HMGCLL1: variants seen among roughly 807,000 people sequenced by gnomAD.
The protein encoded by HMGCLL1 is 3-hydroxymethyl-3-methylglutaryl-CoA lyase, cytoplasmic.
A neutral mutation model predicts 39.1 loss-of-function variants in HMGCLL1; 36 were observed. The observed-to-expected ratio is 0.92, with a 90% CI of 0.71 to 1.22. HMGCLL1 has a LOEUF of 1.22. Ranked by LOEUF, HMGCLL1 falls within the 50% of genes most tolerant of loss-of-function variation. The probability of loss-of-function intolerance (pLI) is 0.00; values close to 1 mark genes in which losing one functional copy is unlikely to be tolerated. For missense variants in HMGCLL1, 451 were observed against 416.5 expected (o/e 1.08, Z -0.72); for synonymous variants, 149 against 144.0 (o/e 1.03, Z -0.25).
Position 55,533,991 on chromosome 6 carries a change from G to A in HMGCLL1, c.297+7738C>T, listed in dbSNP as rs77572932. Among the ~76,000 whole-genome samples, 1,034 of 152,060 alleles carry A rather than the reference G, an allele frequency of 6.8e-3. 13 individuals are homozygous for A. The highest frequency in any genetic ancestry group is 0.024 in the African/African-American group (984 of 41,484). On this transcript the variant is annotated intron_variant, in intron 3 of 8. Coordinates refer to ENST00000274901, the MANE Select transcript of HMGCLL1 (RefSeq NM_001042406.2). ...ATAAAAAACAGCTTCAGAAATACAG[G>A]GACATAATTTCATTCTACAGTAAAG...
At chr6:55,527,754 G>T (rs1036282385) in intron 3 of HMGCLL1, among the ~76,000 whole-genome samples, 2 of 151,860 alleles carry the variant, frequency 1.3e-5, no homozygotes, top group Non-Finnish European at 2.9e-5. Context: ...AAAGAAAAAA[G>T]TTTCACTGAT....
At chr6:55,602,068 A>G in the HMGCLL1 span, among the ~76,000 whole-genome samples, 1 of 152,062 alleles carries the variant, frequency 6.6e-6, no homozygotes, top group South Asian at 2.1e-4. Context: ...TATCTCTCAG[A>G]TTTTTTCTTT....
At chr6:55,543,462 ATATATATCATATATAATATATATATG>A (rs1769733244) in intron 1 of HMGCLL1, among the ~76,000 whole-genome samples, 1 of 7,882 alleles carries the variant, frequency 1.3e-4, no homozygotes, top group East Asian at 5.0e-3. Context: ...GATATATATC[ATATATATCATATATAATATATATATG>A]ATATATATCA....
intron 5 of HMGCLL1, among the ~76,000 whole-genome samples, chr6:55,504,581 A>G (rs1581868248): frequency 6.6e-6 from 1 of 151,712 alleles, no homozygotes; most frequent in East Asian, 1.9e-4. Flanking sequence ...CTCCCTATAT[A>G]CTTTAAATCA....
At chr6:55,629,323 T>C in the HMGCLL1 span, among the ~76,000 whole-genome samples, 1 of 152,160 alleles carries the variant, frequency 6.6e-6, no homozygotes, top group African/African-American at 2.4e-5. Flanking sequence ...ATTTGTGAAC[T>C]TTGAACTTGA....
intron 3 of HMGCLL1, among the ~76,000 whole-genome samples, chr6:55,517,507 A>G (rs541990716): frequency 6.6e-6 from 1 of 152,068 alleles, no homozygotes; most frequent in African/African-American, 2.4e-5. Flanking sequence ...CCAAACCAAA[A>G]CTGGAATCCT....
At chr6:55,640,005 G>A in the HMGCLL1 span, among the ~76,000 whole-genome samples, 1 of 152,102 alleles carries the variant, frequency 6.6e-6, no homozygotes, top group Non-Finnish European at 1.5e-5. Flanking sequence ...TTGAACTCGG[G>A]AGGCGGAGGT....
At chr6:55,650,817 C>T in the HMGCLL1 span, among the ~76,000 whole-genome samples, 1 of 152,038 alleles carries the variant, frequency 6.6e-6, no homozygotes, top group Admixed American at 6.6e-5. Context: ...CTATGGCTTC[C>T]ACCACAATCT....
intron 6 of HMGCLL1, among the ~76,000 whole-genome samples, chr6:55,497,005 A>G (rs1399644729): frequency 1.3e-5 from 2 of 152,136 alleles, no homozygotes; most frequent in East Asian, 3.9e-4. Context: ...CAAATGGTAG[A>G]GTCATTTAAT....
intron 7 of HMGCLL1, among the ~76,000 whole-genome samples, chr6:55,464,077 A>C (rs2127398418): frequency 6.6e-6 from 1 of 152,306 alleles, no homozygotes; most frequent in Admixed American, 6.5e-5. Flanking sequence ...TCTAGAATTA[A>C]CATTTTGAAA....
At chr6:55,615,676 T>G in the HMGCLL1 span, among the ~76,000 whole-genome samples, 1 of 152,168 alleles carries the variant, frequency 6.6e-6, no homozygotes, top group Admixed American at 6.6e-5. Flanking sequence ...TAATAGTATC[T>G]GGTAGGCCCT....
upstream of HMGCLL1, chr6:55,579,202 C>G: frequency 1.5e-6 from 1 of 650,072 alleles, no homozygotes; most frequent in Non-Finnish European, 2.7e-6. Context: ...CGCACTGCGG[C>G]GGCGCCGAGA....
At chr6:55,499,124 C>T in intron 6 of HMGCLL1, 112 bp downstream of exon 6, 1 of 777,472 alleles carries the variant, frequency 1.3e-6, no homozygotes, top group Non-Finnish European at 2.0e-6. Context: ...GGGTTCGCCT[C>T]TTAATCCATG....
intron 7 of HMGCLL1, among the ~76,000 whole-genome samples, chr6:55,464,891 C>A (rs1764733328): frequency 6.6e-6 from 1 of 152,174 alleles, no homozygotes; most frequent in Admixed American, 6.6e-5. Context: ...TTACTCTGTG[C>A]TCTTTACTCC....
the HMGCLL1 span, among the ~76,000 whole-genome samples, chr6:55,639,566 T>C: frequency 6.6e-6 from 1 of 151,930 alleles, no homozygotes; most frequent in Admixed American, 6.6e-5. Flanking sequence ...GAGCATATCA[T>C]AAAGACAGGC....
intron 6 of HMGCLL1, among the ~76,000 whole-genome samples, chr6:55,497,738 C>T (rs779850690): frequency 2.6e-5 from 4 of 152,156 alleles, no homozygotes; most frequent in Admixed American, 6.6e-5. Flanking sequence ...TGCTTACTAA[C>T]TCGTTGAAGA....
At chr6:55,523,448 G>T (rs1768141517) in intron 3 of HMGCLL1, among the ~76,000 whole-genome samples, 1 of 151,968 alleles carries the variant, frequency 6.6e-6, no homozygotes, top group Non-Finnish European at 1.5e-5. Context: ...AAGTATTGCT[G>T]TGATGTATAC....
At chr6:55,614,578 A>G in the HMGCLL1 span, among the ~76,000 whole-genome samples, 2 of 152,166 alleles carry the variant, frequency 1.3e-5, no homozygotes, top group Admixed American at 6.6e-5. Flanking sequence ...ATGCACATAA[A>G]TAATTTCTTC....
At chr6:55,481,699 T>G (rs1257838720) in intron 7 of HMGCLL1, among the ~76,000 whole-genome samples, 1 of 152,014 alleles carries the variant, frequency 6.6e-6, no homozygotes, top group Non-Finnish European at 1.5e-5. Context: ...CAAAAAAAAC[T>G]TTTGTAGACA....
Sources: allele counts gnomAD v4.1 joint callset (sites outside exome capture counted in the v4.1 genomes callset), GRCh38; gene constraint gnomAD v4.1.1; transcripts MANE v1.5; gene names NCBI Gene and HGNC (gene_info 2026-07-23, HGNC 2026-07-21).